Variants in BABAM2 observed in about 807,000 individuals in gnomAD.
The protein encoded by BABAM2 is BRISC and BRCA1 A complex member 2.
In BABAM2, 31 loss-of-function variants were observed where a neutral mutation model predicts 54.7. That is an observed-to-expected ratio of 0.57 (90% CI 0.43 to 0.77). The LOEUF is 0.77. Among genes scored for constraint, BABAM2 ranks in the 30% least tolerant of loss-of-function variants. BABAM2 has a pLI of 0.00. For missense variants in BABAM2, 364 were observed against 455.8 expected (o/e 0.80, Z 1.83); for synonymous variants, 167 against 162.9 (o/e 1.03, Z -0.19).
intron 5 of BABAM2, among the ~76,000 whole-genome samples, chr2:28,030,686 G>GA (rs914613912): frequency 3.9e-5 from 6 of 152,212 alleles, no homozygotes; most frequent in African/African-American, 1.4e-4. Context: ...GCTTGATTTT[G>GA]AGCCAAGATT....
intron 6 of BABAM2, among the ~76,000 whole-genome samples, chr2:28,066,574 A>G (rs1663599634): frequency 6.6e-6 from 1 of 152,218 alleles, no homozygotes; most frequent in Non-Finnish European, 1.5e-5. Context: ...GTTCCAGCTC[A>G]GTGTCTCTCA....
At chr2:28,281,933 A>G (rs975834936) in intron 10 of BABAM2, among the ~76,000 whole-genome samples, 1 of 152,204 alleles carries the variant, frequency 6.6e-6, no homozygotes, top group Admixed American at 6.5e-5. Context: ...AGGGAAGGAT[A>G]TGGAGATTTT....
chr2:28,258,473 G>T (rs994886129), intron 10 of BABAM2, among the ~76,000 whole-genome samples: 2 of 152,018 alleles, frequency 1.3e-5, no homozygotes, highest in East Asian at 1.9e-4. Context: ...GCCATTATAG[G>T]ATATATAATA....
intron 6 of BABAM2, among the ~76,000 whole-genome samples, chr2:28,104,349 AC>A (rs1558338384): frequency 6.6e-6 from 1 of 152,130 alleles, no homozygotes. Flanking sequence ...CAAGAAAAAA[AC>A]AAACAACCCC....
At chr2:28,104,947 C>A (rs1244440443) in intron 6 of BABAM2, among the ~76,000 whole-genome samples, 2 of 151,740 alleles carry the variant, frequency 1.3e-5, no homozygotes, top group Non-Finnish European at 2.9e-5. Context: ...GGACAAAAAA[C>A]CAAACACTGC....
intron 11 of BABAM2, among the ~76,000 whole-genome samples, chr2:28,327,618 C>T (rs555013845): frequency 2.0e-5 from 3 of 152,246 alleles, no homozygotes; most frequent in East Asian, 1.9e-4. Flanking sequence ...GCGAGGAGGC[C>T]GAGCTGTATA....
At chr2:28,004,346 C>T (rs1326026675) in intron 4 of BABAM2, among the ~76,000 whole-genome samples, 1 of 152,122 alleles carries the variant, frequency 6.6e-6, no homozygotes, top group African/African-American at 2.4e-5. Context: ...GACAATGACT[C>T]AGTAGACCTT....
At chr2:28,187,614 C>CACAT (rs1187462162) in intron 7 of BABAM2, among the ~76,000 whole-genome samples, 1 of 151,560 alleles carries the variant, frequency 6.6e-6, no homozygotes, top group African/African-American at 2.4e-5. Flanking sequence ...GAAACACACT[C>CACAT]ACATACACAA....
chr2:28,109,184 CTTTTTTTTTTTTT>C (rs764380110), intron 6 of BABAM2, among the ~76,000 whole-genome samples: 2 of 101,890 alleles, frequency 2.0e-5, no homozygotes, highest in African/African-American at 3.7e-5. Flanking sequence ...GACACATACT[CTTTTTTTTTTTTT>C]TTTTTTTTTG....
At chr2:28,007,846 T>G (rs1019134319) in intron 4 of BABAM2, among the ~76,000 whole-genome samples, 3 of 152,178 alleles carry the variant, frequency 2.0e-5, no homozygotes, top group Non-Finnish European at 4.4e-5. Context: ...ATTGCAATAT[T>G]GTATTTTCAG....
chr2:28,058,940 G>A (rs1275523650), intron 6 of BABAM2, among the ~76,000 whole-genome samples: 5 of 152,278 alleles, frequency 3.3e-5, no homozygotes, highest in African/African-American at 7.2e-5. Context: ...GATGGTTTGA[G>A]AAGCATTATT....
chr2:28,338,326 C>T (rs1691649235), intron 11 of BABAM2, 124 bp from the exon 12 acceptor site: 3 of 918,354 alleles, frequency 3.3e-6, no homozygotes, highest in South Asian at 2.9e-5. Flanking sequence ...AAGGCAAATC[C>T]AACCCAAGAT....
At chr2:28,295,831 G>GGC (rs2148234809) in intron 10 of BABAM2, among the ~76,000 whole-genome samples, 1 of 152,136 alleles carries the variant, frequency 6.6e-6, no homozygotes, top group Non-Finnish European at 1.5e-5. Flanking sequence ...AATCAGAAGA[G>GGC]GCGCGGTGGT....
chr2:28,295,265 T>A (rs1252926353), intron 10 of BABAM2, among the ~76,000 whole-genome samples: 1 of 152,180 alleles, frequency 6.6e-6, no homozygotes, highest in Non-Finnish European at 1.5e-5. Context: ...GAAAATCACA[T>A]AGCCTGTGGT....
chr2:28,101,992 C>T (rs553201436), intron 6 of BABAM2, among the ~76,000 whole-genome samples: 1 of 152,278 alleles, frequency 6.6e-6, no homozygotes, highest in East Asian at 1.9e-4. Flanking sequence ...AGAAAAAAAT[C>T]TTGGTATCAA....
chr2:28,319,914 C>T (rs960739151), intron 11 of BABAM2, among the ~76,000 whole-genome samples: 7 of 152,268 alleles, frequency 4.6e-5, no homozygotes, highest in Non-Finnish European at 1.0e-4. Context: ...ACCTCACTCC[C>T]GAGGCACTGG....
chr2:28,123,894 C>T (rs866476438), intron 6 of BABAM2, among the ~76,000 whole-genome samples: 55 of 152,168 alleles, frequency 3.6e-4, no homozygotes, highest in African/African-American at 1.2e-3. Context: ...AAACTAGAGT[C>T]ATTCCGTTTG....
At chr2:27,953,568 A>G (rs1669893007) in intron 3 of BABAM2, among the ~76,000 whole-genome samples, 1 of 151,814 alleles carries the variant, frequency 6.6e-6, no homozygotes, top group Non-Finnish European at 1.5e-5. Context: ...CTGGGATTAT[A>G]GGCATGAACC....
At chr2:27,952,708 C>A (rs1309526443) in intron 3 of BABAM2, among the ~76,000 whole-genome samples, 1 of 152,124 alleles carries the variant, frequency 6.6e-6, no homozygotes, top group Non-Finnish European at 1.5e-5. Flanking sequence ...CACTCCAGAC[C>A]AGTTTGGGAT....
Sources: gnomAD v4.1 joint callset for allele counts (sites outside exome capture counted in the v4.1 genomes callset) on GRCh38, gnomAD v4.1.1 for gene constraint, MANE v1.5 for transcripts, NCBI Gene and HGNC (gene_info 2026-07-23, HGNC 2026-07-21) for gene names.